PRIM2: variants seen among roughly 807,000 people sequenced by gnomAD.
PRIM2 encodes the protein DNA primase subunit 2, also known as DNA primase large subunit.
PRIM2 carries 39 observed loss-of-function variants against 67.3 expected under a neutral mutation model. That is an observed-to-expected ratio of 0.58 (90% CI 0.45 to 0.76). The LOEUF is 0.76. PRIM2 is among the 30% of genes least tolerant of loss of function. The pLI, the probability that PRIM2 is intolerant of heterozygous loss-of-function variation, is 0.00. For missense variants in PRIM2, 398 were observed against 598.7 expected (o/e 0.66, Z 3.50); for synonymous variants, 143 against 198.7 (o/e 0.72, Z 2.36).
intron 10 of PRIM2, among the ~76,000 whole-genome samples, chr6:57,556,448 C>A (rs1420002136): frequency 6.6e-6 from 1 of 152,058 alleles, no homozygotes; most frequent in East Asian, 1.9e-4. Context: ...CAGACATAGA[C>A]CAATGGAACA....
intron 5 of PRIM2, among the ~76,000 whole-genome samples, chr6:57,345,506 G>GTGTGTGTGTGTGTGTACATACA (rs369673115): frequency 8.2e-6 from 1 of 122,248 alleles, no homozygotes; most frequent in Non-Finnish European, 1.7e-5. Flanking sequence ...GTGTGTGTGT[G>GTGTGTGTGTGTGTGTACATACA]TACATACATA....
intron 7 of PRIM2, among the ~76,000 whole-genome samples, chr6:57,488,432 A>G (rs1209601332): frequency 6.6e-6 from 1 of 152,218 alleles, no homozygotes; most frequent in Admixed American, 6.5e-5. Context: ...TAGTCTATAC[A>G]CCAGGGTTTC....
At chr6:57,292,647 A>G in the PRIM2 span, among the ~76,000 whole-genome samples, 8 of 152,300 alleles carry the variant, frequency 5.3e-5, no homozygotes, top group East Asian at 1.5e-3. Flanking sequence ...ACAAAAACAG[A>G]TATATAGAAC....
At chr6:57,620,486 T>C (rs1466187131) in intron 12 of PRIM2, among the ~76,000 whole-genome samples, 4 of 152,020 alleles carry the variant, frequency 2.6e-5, no homozygotes, top group Non-Finnish European at 4.4e-5. Flanking sequence ...GAAGGAAAGA[T>C]AACAGTCGTT....
chr6:57,587,799 A>G (rs1482164250), intron 10 of PRIM2, among the ~76,000 whole-genome samples: 2,052 of 152,096 alleles, frequency 0.013, 45 homozygotes, highest in African/African-American at 0.047. Context: ...TTGACAGTGT[A>G]ATTGATAGAT....
chr6:57,464,056 CAGTT>C (rs1015636189), intron 7 of PRIM2, among the ~76,000 whole-genome samples: 2 of 152,128 alleles, frequency 1.3e-5, no homozygotes, highest in African/African-American at 2.4e-5. Context: ...GCACCTCTCT[CAGTT>C]AGCTAACTCC....
intron 5 of PRIM2, among the ~76,000 whole-genome samples, chr6:57,339,320 G>A (rs370158120): frequency 0.034 from 5,095 of 151,960 alleles, 279 homozygotes; most frequent in African/African-American, 0.11. Context: ...CCATCAAGCT[G>A]CCAATGACTT....
intron 7 of PRIM2, among the ~76,000 whole-genome samples, chr6:57,452,764 G>C (rs1772601728): frequency 2.6e-5 from 3 of 116,640 alleles, no homozygotes; most frequent in African/African-American, 9.7e-5. Context: ...AGTTTCTTTT[G>C]CTGTGCAGAA....
intron 9 of PRIM2, among the ~76,000 whole-genome samples, chr6:57,534,465 A>G (rs1214150346): frequency 6.6e-6 from 1 of 152,124 alleles, no homozygotes; most frequent in Non-Finnish European, 1.5e-5. Flanking sequence ...CTTGTTTTCC[A>G]TGATCATTTT....
chr6:57,561,187 C>G (rs2127478169), intron 10 of PRIM2, among the ~76,000 whole-genome samples: 1 of 152,286 alleles, frequency 6.6e-6, no homozygotes, highest in East Asian at 1.9e-4. Context: ...GAGATAGCTT[C>G]TTTCCTTAAA....
chr6:57,349,864 G>A (rs1379207524), intron 5 of PRIM2, among the ~76,000 whole-genome samples: 1 of 151,984 alleles, frequency 6.6e-6, no homozygotes, highest in Non-Finnish European at 1.5e-5. Context: ...CATAACTCAA[G>A]TTATATCTGG....
chr6:57,474,420 C>T (rs1773424217), intron 7 of PRIM2, among the ~76,000 whole-genome samples: 1 of 152,072 alleles, frequency 6.6e-6, no homozygotes, highest in South Asian at 2.1e-4. Context: ...GTGATCTGCC[C>T]GCCTCAGCCT....
chr6:57,322,031 C>T (rs1767676706), intron 3 of PRIM2, among the ~76,000 whole-genome samples: 1 of 151,854 alleles, frequency 6.6e-6, no homozygotes, highest in Admixed American at 6.6e-5. Context: ...GGGGCAGAGA[C>T]CAGAACAATG....
chr6:57,453,941 A>G (rs1266199468), intron 7 of PRIM2, among the ~76,000 whole-genome samples: 1 of 152,122 alleles, frequency 6.6e-6, no homozygotes, highest in Non-Finnish European at 1.5e-5. Flanking sequence ...GATAGCTCTT[A>G]TTATTTTGAG....
chr6:57,568,974 G>A (rs1775804357), intron 10 of PRIM2, among the ~76,000 whole-genome samples: 2 of 152,222 alleles, frequency 1.3e-5, no homozygotes, highest in Admixed American at 6.5e-5. Context: ...CAAGACTTAA[G>A]TACATTTTCT....
At chr6:57,602,257 C>T (rs1372379686) in intron 11 of PRIM2, among the ~76,000 whole-genome samples, 8 of 152,230 alleles carry the variant, frequency 5.3e-5, no homozygotes, top group African/African-American at 1.2e-4. Flanking sequence ...GACGAGGTTT[C>T]GCCTAGTTGG....
intron 12 of PRIM2, among the ~76,000 whole-genome samples, chr6:57,617,354 A>G (rs1173097760): frequency 2.6e-5 from 4 of 152,218 alleles, no homozygotes; most frequent in Non-Finnish European, 5.9e-5. Flanking sequence ...CTCTGTAAAT[A>G]ACCTATTTCC....
intron 8 of PRIM2, among the ~76,000 whole-genome samples, chr6:57,512,206 A>C (rs1554347783): frequency 8.1e-4 from 123 of 152,298 alleles, no homozygotes; most frequent in Non-Finnish European, 1.5e-3. Context: ...AGGCTGTGGA[A>C]ATATAGGGAG....
chr6:57,254,503 G>A, the PRIM2 span, among the ~76,000 whole-genome samples: 12 of 152,124 alleles, frequency 7.9e-5, no homozygotes, highest in Non-Finnish European at 1.5e-4. Flanking sequence ...CAGCACTGAC[G>A]GAGTGGCCAA....
Sources: gnomAD v4.1 joint callset for allele counts (sites outside exome capture counted in the v4.1 genomes callset) on GRCh38, gnomAD v4.1.1 for gene constraint, MANE v1.5 for transcripts, NCBI Gene and HGNC (gene_info 2026-07-23, HGNC 2026-07-21) for gene names.